RLF: variants seen among roughly 807,000 people sequenced by gnomAD.
RLF encodes zinc finger protein Rlf.
Under a neutral mutation model 162.9 loss-of-function variants are expected in RLF, and 7 were observed. The observed-to-expected ratio is 0.04, with a 90% CI of 0.02 to 0.08. RLF has a LOEUF of 0.08. RLF is among the 10% of genes least tolerant of loss of function. RLF has a pLI of 1.00. For missense variants in RLF, 1,664 were observed against 2,244.7 expected, an observed-to-expected ratio of 0.74 and a Z score of 5.23; for synonymous variants, 782 against 791.5, an observed-to-expected ratio of 0.99 and a Z score of 0.20.
intron 5 of RLF, among the ~76,000 whole-genome samples, chr1:40,214,849 G>A (rs1642903487): frequency 6.9e-6 from 1 of 144,900 alleles, no homozygotes; most frequent in Non-Finnish European, 1.5e-5. Flanking sequence ...CTTGAGCCTG[G>A]GAGGTCAAGG....
At position 40,238,869 on chromosome 1, in the gene RLF, A is replaced by C; in HGVS notation, c.4167A>C (p.Leu1389=). The C allele has an allele frequency of 6.2e-7, 1 of 1,614,204 alleles. No individual in the cohort carries two copies. Among genetic ancestry groups the C allele is most frequent in the African/African-American group, 1.3e-5 (1 of 75,062 alleles). The change falls in exon 8 of 8, where the codon CTA becomes CTC. Residue 1389 remains leucine (L), a synonymous_variant. Coordinates refer to ENST00000372771, the MANE Select transcript of RLF (RefSeq NM_012421.4). The surrounding 1 kb of genome is among the most constrained non-coding windows in gnomAD (Gnocchi z 5.2). ...LAKHCSDSHN[L]DHIEEPKVLS... is the part of the protein sequence containing the mutation. ...AGCACTGTAGTGATTCTCATAACCT[A>C]GACCATATTGAAGAGCCTAAAGTAC...
At chr1:40,227,111 A>C (rs1345953122) in intron 6 of RLF, among the ~76,000 whole-genome samples, 2 of 152,148 alleles carry the variant, frequency 1.3e-5, no homozygotes, top group African/African-American at 4.8e-5. Context: ...GTGAGCCACC[A>C]CACTGGCCAA....
chr1:40,168,721 G>A (rs184008481), intron 1 of RLF, among the ~76,000 whole-genome samples: 215 of 152,030 alleles, frequency 1.4e-3, no homozygotes, highest in African/African-American at 4.9e-3. Context: ...GGCCGTGCAC[G>A]GTGGCTCTCC....
chr1:40,212,642 C>T (rs1431781902), intron 5 of RLF, among the ~76,000 whole-genome samples: 4 of 152,142 alleles, frequency 2.6e-5, no homozygotes, highest in East Asian at 1.9e-4. Flanking sequence ...GGCAGGGGTC[C>T]GTTTCATTCT....
intron 6 of RLF, among the ~76,000 whole-genome samples, chr1:40,226,247 A>G (rs1643070258): frequency 2.0e-5 from 3 of 152,220 alleles, no homozygotes; most frequent in South Asian, 4.1e-4. Flanking sequence ...TTAAAGAAGT[A>G]CTAGAGGAGT....
intron 3 of RLF, 21 bp from the exon 4 acceptor site, chr1:40,195,611 G>C (rs1435626777): frequency 1.3e-6 from 2 of 1,588,410 alleles, no homozygotes; most frequent in Non-Finnish European, 1.7e-6. Context: ...TTATTTTCTG[G>C]GTGTGCTGTT....
chr1:40,189,340 TC>T (rs1642526365), intron 2 of RLF, 131 bp downstream of exon 2: 1 of 696,124 alleles, frequency 1.4e-6, no homozygotes, highest in African/African-American at 1.8e-5. Context: ...GAATGAAATT[TC>T]CTTCCTACTC....
At chr1:40,207,783 G>T (rs1384417841) in intron 5 of RLF, among the ~76,000 whole-genome samples, 1 of 152,038 alleles carries the variant, frequency 6.6e-6, no homozygotes, top group African/African-American at 2.4e-5. Context: ...GCTCATTTTT[G>T]TATTTTTAGT....
At chr1:40,174,143 C>T (rs1435403977) in intron 1 of RLF, among the ~76,000 whole-genome samples, 5 of 152,050 alleles carry the variant, frequency 3.3e-5, no homozygotes, top group Non-Finnish European at 5.9e-5. Flanking sequence ...GAGGCTGAGG[C>T]GGGTGGATCA....
intron 1 of RLF, among the ~76,000 whole-genome samples, chr1:40,187,999 G>A (rs1320508018): frequency 6.6e-6 from 1 of 152,146 alleles, no homozygotes; most frequent in African/African-American, 2.4e-5. Flanking sequence ...CCAACCAAAA[G>A]CCTATTAGGA....
rs368220749 is a variant in RLF at position 40,240,286 on chromosome 1, G to A, written c.5584G>A (p.Val1862Ile). Reference protein sequence around the residue: ...TTVPSLENLRVVLDKALTDCG... With the variant: ...TTVPSLENLRIVLDKALTDCG... ...AGTTCCTTCCTTGGAAAACCTGAGG[G>A]TTGTATTGGACAAAGCATTAACAGA... The change falls in exon 8 of 8, where the codon GTT becomes ATT. Residue 1862 changes from valine to isoleucine, a missense_variant. Physicochemically the swap from Val to Ile is conservative, Grantham distance 29. Coordinates refer to ENST00000372771, the MANE Select transcript of RLF (RefSeq NM_012421.4). 278 of 1,614,048 alleles carry A rather than the reference G, an allele frequency of 1.7e-4. No individual in the cohort carries two copies. The highest frequency in any genetic ancestry group is 2.2e-4 in the Non-Finnish European group (257 of 1,180,034).
At chr1:40,178,624 T>G (rs1323422996) in intron 1 of RLF, among the ~76,000 whole-genome samples, 1 of 143,014 alleles carries the variant, frequency 7.0e-6, no homozygotes, top group Non-Finnish European at 1.5e-5. Flanking sequence ...TTGGTGTTTT[T>G]TTTTTTTGTT....
At position 40,201,082 on chromosome 1, in the gene RLF, C is replaced by T. The variant is rs898374759; in HGVS notation, c.608-1330C>T. ...ACACACACACACACCCCCCCCCCCC[C>T]CCCCGCAACCTGGGAGCTTGTGAGA... On this transcript the variant is annotated intron_variant, in intron 4 of 7. Coordinates refer to ENST00000372771, the MANE Select transcript of RLF (RefSeq NM_012421.4). Among the ~76,000 whole-genome samples the T allele has an allele frequency of 8.8e-5, 4 of 45,316 alleles. 1 individual carries two copies. The highest frequency in any genetic ancestry group is 2.6e-4 in the Non-Finnish European group (4 of 15,220). The allele number at this position is 45,316 out of a possible 152,430, so 29.7% of individuals were successfully genotyped here. A position where few individuals can be genotyped will look rare whatever the true frequency, so the allele number is the denominator to read the frequency against.
intron 1 of RLF, among the ~76,000 whole-genome samples, chr1:40,163,988 G>A (rs1642132778): frequency 6.6e-6 from 1 of 152,178 alleles, no homozygotes; most frequent in African/African-American, 2.4e-5. Flanking sequence ...AGTAAATTTT[G>A]TTGAATAGCT....
At chr1:40,165,476 A>T (rs1367810894) in intron 1 of RLF, among the ~76,000 whole-genome samples, 1 of 152,116 alleles carries the variant, frequency 6.6e-6, no homozygotes, top group African/African-American at 2.4e-5. Context: ...CATTTTCTGC[A>T]TGGGAGATTT....
At chr1:40,221,614 A>T (rs1183303715) in intron 5 of RLF, among the ~76,000 whole-genome samples, 3 of 151,986 alleles carry the variant, frequency 2.0e-5, no homozygotes, top group Admixed American at 1.3e-4. Flanking sequence ...TGCAAAAAAA[A>T]AAAAGGCCGG....
At chr1:40,195,034 C>T (rs1207053575) in intron 3 of RLF, among the ~76,000 whole-genome samples, 1 of 151,588 alleles carries the variant, frequency 6.6e-6, no homozygotes, top group Non-Finnish European at 1.5e-5. Context: ...AGAGTTTTGT[C>T]ATTTTGGCCA....
Position 40,237,406 on chromosome 1 carries a change from C to T in RLF, c.2704C>T (p.His902Tyr). ...SDSNSSDQLS[H>Y]SSSASMNEEL... is the part of the protein sequence containing the mutation. ...CAGTAATTCTAGTGATCAGTTAAGT[C>T]ATAGCTCTTCAGCTTCAATGAATGA... The change falls in exon 8 of 8, where the codon CAT becomes TAT. Residue 902 changes from histidine to tyrosine, a missense_variant. By Grantham distance (83) the His-to-Tyr change is moderately conservative. Coordinates refer to ENST00000372771, the MANE Select transcript of RLF (RefSeq NM_012421.4). The surrounding 1 kb of genome is among the most constrained non-coding windows in gnomAD (Gnocchi z 4.4). 6.2e-7 allele frequency: 1 copy of T among 1,613,988 alleles called. No homozygotes were observed. Among genetic ancestry groups the T allele is most frequent in the Non-Finnish European group, 8.5e-7 (1 of 1,179,956 alleles).
chr1:40,201,914 CT>C (rs1050100046), intron 4 of RLF, among the ~76,000 whole-genome samples: 1 of 150,998 alleles, frequency 6.6e-6, no homozygotes, highest in Admixed American at 6.6e-5. Flanking sequence ...CCAAGGAATC[CT>C]TTTTTTTTCT....
Sources: allele counts gnomAD v4.1 joint callset (sites outside exome capture counted in the v4.1 genomes callset), GRCh38; gene constraint gnomAD v4.1.1; non-coding constraint Gnocchi (gnomAD v3.1); transcripts MANE v1.5; gene names NCBI Gene and HGNC (gene_info 2026-07-23, HGNC 2026-07-21).